Variants in DGKB observed in about 807,000 individuals in gnomAD.
DGKB encodes the protein diacylglycerol kinase beta, also known as 90 kDa diacylglycerol kinase.
A neutral mutation model predicts 114.3 loss-of-function variants in DGKB; 67 were observed. The observed-to-expected ratio is 0.59, with a 90% CI of 0.48 to 0.72. The LOEUF (loss-of-function observed/expected upper bound fraction) is 0.72, where lower values mean the gene tolerates loss of function less well. Among genes scored for constraint, DGKB ranks in the 30% least tolerant of loss-of-function variants. DGKB has a pLI of 0.00. For synonymous variants in DGKB, 398 were observed against 323.1 expected (o/e 1.23, Z -2.49); for missense variants, 907 against 975.2 (o/e 0.93, Z 0.93).
intron 1 of DGKB, among the ~76,000 whole-genome samples, chr7:14,890,788 C>T (rs1309302871): frequency 6.6e-6 from 1 of 150,758 alleles, no homozygotes; most frequent in Non-Finnish European, 1.5e-5. Context: ...TCTTGTCAGA[C>T]ACCGAAAATA....
At chr7:14,818,894 G>A (rs1219597776) in intron 2 of DGKB, among the ~76,000 whole-genome samples, 1 of 152,154 alleles carries the variant, frequency 6.6e-6, no homozygotes, top group Admixed American at 6.6e-5. Context: ...GAAGCACCGA[G>A]GTTTGAAGTC....
chr7:14,673,083 G>C (rs925596945), intron 12 of DGKB, 56 bp from the exon 13 acceptor site: 95 of 961,440 alleles, frequency 9.9e-5, no homozygotes, highest in Non-Finnish European at 1.5e-4. Flanking sequence ...GCCTAACATG[G>C]GGGAGATTAT....
intron 1 of DGKB, among the ~76,000 whole-genome samples, chr7:14,853,266 G>A (rs1015953938): frequency 2.2e-4 from 34 of 152,158 alleles, no homozygotes; most frequent in African/African-American, 8.2e-4. Context: ...CAGCATAGAT[G>A]TCACCAATAG....
chr7:14,358,086 C>T (rs1184663694), intron 21 of DGKB, among the ~76,000 whole-genome samples: 1 of 152,100 alleles, frequency 6.6e-6, no homozygotes, highest in African/African-American at 2.4e-5. Flanking sequence ...TTGCTCTTCT[C>T]AAGGAGTATC....
intron 23 of DGKB, among the ~76,000 whole-genome samples, chr7:14,300,350 G>A (rs12699601): frequency 0.46 from 69,334 of 151,686 alleles, 15,845 homozygotes; most frequent in South Asian, 0.57. Flanking sequence ...TTACAGCCTT[G>A]GCATCATAAA....
rs184564592 is a variant in DGKB at position 14,184,796 on chromosome 7, C to G, written c.2123-6645G>C. On this transcript the variant is annotated intron_variant, in intron 23 of 25. Coordinates refer to ENST00000402815, the MANE Select transcript of DGKB (RefSeq NM_001350709.2). Reference sequence around the variant, plus strand: ...AAGCACCACCTCCTGGCAGGAGGTGCAAAAAAAGCATTGGATTAAATCCAG... The same window carrying G: ...AAGCACCACCTCCTGGCAGGAGGTGGAAAAAAAGCATTGGATTAAATCCAG... Among the ~76,000 whole-genome samples, 181 of 151,898 alleles carry G rather than the reference C, an allele frequency of 1.2e-3. 1 individual carries two copies. The highest frequency in any genetic ancestry group is 2.5e-4 in the Non-Finnish European group (17 of 67,920).
At chr7:14,501,912 G>A (rs887905007) in intron 20 of DGKB, among the ~76,000 whole-genome samples, 14 of 151,868 alleles carry the variant, frequency 9.2e-5, no homozygotes, top group South Asian at 6.2e-4. Flanking sequence ...TCTGGACTTC[G>A]AACAAATACC....
intron 1 of DGKB, among the ~76,000 whole-genome samples, chr7:14,951,539 GT>G (rs1172659969): frequency 6.6e-6 from 1 of 151,988 alleles, no homozygotes; most frequent in African/African-American, 2.4e-5. Flanking sequence ...GGCACAGGAA[GT>G]TGTTAGGGCA....
At chr7:14,561,875 T>C (rs1796703614) in intron 20 of DGKB, among the ~76,000 whole-genome samples, 1 of 152,192 alleles carries the variant, frequency 6.6e-6, no homozygotes, top group Non-Finnish European at 1.5e-5. Context: ...GAAATCTGCA[T>C]AAGTAACAAG....
intron 21 of DGKB, among the ~76,000 whole-genome samples, chr7:14,386,402 G>A (rs1820343488): frequency 6.6e-6 from 1 of 152,116 alleles, no homozygotes; most frequent in Non-Finnish European, 1.5e-5. Context: ...TCTACACTTA[G>A]AAAATCTAGG....
intron 2 of DGKB, among the ~76,000 whole-genome samples, chr7:14,773,912 C>T (rs1414964511): frequency 1.4e-5 from 2 of 143,422 alleles, no homozygotes; most frequent in Non-Finnish European, 3.0e-5. Flanking sequence ...TGTAGTCTCT[C>T]GGCAAAGGGG....
chr7:14,667,202 G>T (rs978895343), intron 13 of DGKB, among the ~76,000 whole-genome samples: 2 of 151,940 alleles, frequency 1.3e-5, no homozygotes, highest in African/African-American at 4.8e-5. Context: ...GGAATGGGAA[G>T]GCTGAGAAGG....
chr7:14,464,756 A>C (rs1833583214), intron 21 of DGKB, among the ~76,000 whole-genome samples: 1 of 152,228 alleles, frequency 6.6e-6, no homozygotes, highest in African/African-American at 2.4e-5. Context: ...AAGCTGAGAA[A>C]TGAACTGCCA....
intron 13 of DGKB, among the ~76,000 whole-genome samples, chr7:14,648,053 C>T (rs867109128): frequency 2.0e-4 from 30 of 152,344 alleles, no homozygotes; most frequent in Admixed American, 9.1e-4. Flanking sequence ...TGCAAGGCGG[C>T]AGCGAGGCTG....
At chr7:14,449,814 G>T (rs970883292) in intron 21 of DGKB, among the ~76,000 whole-genome samples, 3 of 152,036 alleles carry the variant, frequency 2.0e-5, no homozygotes, top group Non-Finnish European at 4.4e-5. Context: ...AAGAATAAGA[G>T]CATTAACATT....
intron 17 of DGKB, among the ~76,000 whole-genome samples, chr7:14,590,862 G>A (rs1311618211): frequency 6.6e-6 from 1 of 151,962 alleles, no homozygotes; most frequent in Non-Finnish European, 1.5e-5. Flanking sequence ...AGTAGTATAG[G>A]TATGTTTTAG....
intron 1 of DGKB, among the ~76,000 whole-genome samples, chr7:14,869,556 TCAAA>T (rs530396028): frequency 1.9e-4 from 29 of 152,282 alleles, no homozygotes; most frequent in South Asian, 6.2e-4. Context: ...ATAATTCATA[TCAAA>T]CAATTACATG....
intron 1 of DGKB, among the ~76,000 whole-genome samples, chr7:14,900,848 C>A (rs1222709661): frequency 1.3e-5 from 2 of 152,016 alleles, no homozygotes; most frequent in Admixed American, 6.6e-5. Context: ...TGCTCTTAAC[C>A]TAATTTTCTT....
rs62443519 is a variant in DGKB, at chr7:14,542,633, T to C, written c.1770+31579A>G. ...CAGCAGAGGCAAAAGATTCAGACATTCAAACGTTAAGTATAATATTTCTGC... is the reference window on the plus strand; with the variant it reads ...CAGCAGAGGCAAAAGATTCAGACATCCAAACGTTAAGTATAATATTTCTGC... On this transcript the variant is annotated intron_variant, in intron 20 of 25. Coordinates refer to ENST00000402815, the MANE Select transcript of DGKB (RefSeq NM_001350709.2). 5.4e-3 allele frequency among the ~76,000 whole-genome samples: 822 copies of C among 152,256 alleles called. 6 individuals are homozygous for C. The highest frequency in any genetic ancestry group is 0.02 in the Middle Eastern group (6 of 294).
Sources: allele counts gnomAD v4.1 joint callset (sites outside exome capture counted in the v4.1 genomes callset), GRCh38; gene constraint gnomAD v4.1.1; transcripts MANE v1.5; gene names NCBI Gene and HGNC (gene_info 2026-07-23, HGNC 2026-07-21).